SNX13: variants seen among roughly 807,000 people sequenced by gnomAD.
SNX13 encodes sorting nexin 13.
SNX13 carries 45 observed loss-of-function variants against 133.6 expected under a neutral mutation model. The ratio of observed to expected loss-of-function variants is 0.34; its 90% confidence interval spans 0.27 to 0.43. The LOEUF (loss-of-function observed/expected upper bound fraction) is 0.43. Among genes scored for constraint, SNX13 ranks in the 20% least tolerant of loss-of-function variants. The pLI, the probability that SNX13 is intolerant of heterozygous loss-of-function variation, is 1.00. For synonymous variants in SNX13, 414 were observed against 373.9 expected (o/e 1.11, Z -1.24); for missense variants, 1,032 against 1,145.1 (o/e 0.90, Z 1.43).
At chr7:17,933,566 C>T (rs1356677434) in intron 1 of SNX13, among the ~76,000 whole-genome samples, 2 of 151,476 alleles carry the variant, frequency 1.3e-5, no homozygotes, top group African/African-American at 4.8e-5. Flanking sequence ...AAAGAGAGAA[C>T]TTGCTTTAAG....
intron 8 of SNX13, among the ~76,000 whole-genome samples, chr7:17,871,435 C>T (rs568316778): frequency 6.6e-6 from 1 of 152,160 alleles, no homozygotes; most frequent in African/African-American, 2.4e-5. Context: ...CAAACTTAGG[C>T]TCCTCTGAAT....
chr7:17,886,981 A>G (rs1796075877), intron 5 of SNX13, among the ~76,000 whole-genome samples: 1 of 152,088 alleles, frequency 6.6e-6, no homozygotes, highest in African/African-American at 2.4e-5. Context: ...CAAAAAAAAA[A>G]AAAAAAGAGC....
chr7:17,892,660 C>T (rs1796749238), intron 3 of SNX13, among the ~76,000 whole-genome samples: 1 of 152,016 alleles, frequency 6.6e-6, no homozygotes, highest in Non-Finnish European at 1.5e-5. Flanking sequence ...ACATTATTTA[C>T]TTCTACATCT....
At chr7:17,903,245 G>T (rs1482362971) in intron 1 of SNX13, among the ~76,000 whole-genome samples, 1 of 152,210 alleles carries the variant, frequency 6.6e-6, no homozygotes, top group Middle Eastern at 3.2e-3. Context: ...TTATGATCCA[G>T]TGTGTCTGGG....
chr7:17,910,099 AACAT>A lies in SNX13; in HGVS notation c.13-12657_13-12654del, dbSNP rs1275778232. The stretch of plus-strand genomic sequence containing the variant: ...CCTGTACTTAAGTCAATTAAAACCT[AACAT>A]AACTCCTTCAAAGTACCCAAGACTA... On this transcript the variant is annotated intron_variant, in intron 1 of 25. Transcript: ENST00000428135. Among the ~76,000 whole-genome samples, 3 of 152,184 alleles carry A rather than the reference AACAT, an allele frequency of 2.0e-5. No homozygotes were observed. In the East Asian group the frequency reaches 5.8e-4, roughly 29 times the overall value.
At chr7:17,920,971 C>T (rs767164285) in intron 1 of SNX13, among the ~76,000 whole-genome samples, 2 of 152,162 alleles carry the variant, frequency 1.3e-5, no homozygotes, top group African/African-American at 4.8e-5. Flanking sequence ...AGCCAAGCAG[C>T]GCACTGGAGT....
At chr7:17,806,246 G>A (rs1238786148) in intron 20 of SNX13, among the ~76,000 whole-genome samples, 1 of 152,090 alleles carries the variant, frequency 6.6e-6, no homozygotes, top group Non-Finnish European at 1.5e-5. Flanking sequence ...AAGATACTGT[G>A]TACAAAGGAG....
intron 1 of SNX13, among the ~76,000 whole-genome samples, chr7:17,924,023 T>C (rs1251755779): frequency 1.3e-5 from 2 of 152,248 alleles, no homozygotes; most frequent in African/African-American, 4.8e-5. Flanking sequence ...TTTTATCTAT[T>C]TATCTTGTAT....
intron 24 of SNX13, among the ~76,000 whole-genome samples, chr7:17,797,949 T>C (rs1784232916): frequency 1.3e-5 from 2 of 151,862 alleles, no homozygotes; most frequent in Middle Eastern, 6.8e-3. Context: ...AATACCTACC[T>C]CGAAAAATGG....
At chr7:17,893,929 G>C (rs979379579) in intron 2 of SNX13, among the ~76,000 whole-genome samples, 2 of 149,172 alleles carry the variant, frequency 1.3e-5, no homozygotes, top group East Asian at 2.0e-4. Flanking sequence ...CTGAGATCAC[G>C]CCACTGCACT....
intron 2 of SNX13, among the ~76,000 whole-genome samples, chr7:17,896,054 G>C (rs1245987326): frequency 6.6e-6 from 1 of 152,166 alleles, no homozygotes; most frequent in South Asian, 2.1e-4. Context: ...CTCTGAGAGG[G>C]AGAGGTGCAA....
rs536451745 is a variant in SNX13 at position 17,793,435 on chromosome 7, G to C, written c.*610C>G. 1 of 151,792 alleles carries C rather than the reference G, an allele frequency of 6.6e-6. No homozygotes were observed. Among genetic ancestry groups the C allele is most frequent in the East Asian group, 1.9e-4 (1 of 5,178 alleles). 9.4% of individuals were successfully genotyped at this position (151,792 alleles called of 1,614,324 possible). On this transcript the variant is annotated 3_prime_UTR_variant, in exon 26 of 26. Coordinates refer to ENST00000428135, the MANE Select transcript of SNX13 (RefSeq NM_015132.5). ...TCCAATCAAATTCTGTGTTTGATTG[G>C]TTTTATTTTATACTCAGCTTTATTT...
chr7:17,927,263 A>G (rs1800867651), intron 1 of SNX13, among the ~76,000 whole-genome samples: 1 of 151,030 alleles, frequency 6.6e-6, no homozygotes, highest in South Asian at 2.1e-4. Context: ...ATATATTAGA[A>G]ACAGTGTCTC....
At chr7:17,896,489 T>C (rs918431519) in intron 2 of SNX13, among the ~76,000 whole-genome samples, 2 of 152,290 alleles carry the variant, frequency 1.3e-5, no homozygotes, top group Non-Finnish European at 2.9e-5. Context: ...CTACTGTTTA[T>C]ATATGCTATT....
intron 9 of SNX13, among the ~76,000 whole-genome samples, chr7:17,856,401 CAAG>C (rs1361596270): frequency 6.6e-6 from 1 of 151,968 alleles, no homozygotes. Flanking sequence ...AAGAAGGAAC[CAAG>C]AAGTTACAAA....
At chr7:17,840,928 A>T (rs1470656930) in intron 12 of SNX13, among the ~76,000 whole-genome samples, 1 of 152,050 alleles carries the variant, frequency 6.6e-6, no homozygotes, top group Non-Finnish European at 1.5e-5. Context: ...AGGCTTGGGA[A>T]GTAAGCTTTG....
chr7:17,867,497 C>T (rs925979459), intron 9 of SNX13, among the ~76,000 whole-genome samples: 2 of 151,936 alleles, frequency 1.3e-5, no homozygotes, highest in African/African-American at 4.8e-5. Flanking sequence ...GTCCCAGCTA[C>T]TTGGGAGGCT....
intron 1 of SNX13, among the ~76,000 whole-genome samples, chr7:17,907,597 T>C (rs1798534149): frequency 6.6e-6 from 1 of 152,128 alleles, no homozygotes; most frequent in South Asian, 2.1e-4. Flanking sequence ...AATAACTGGA[T>C]AAAACTGAGT....
rs1255605914 is a variant in SNX13, at chr7:17,901,243, A to G, written c.13-3797T>C. Among the ~76,000 whole-genome samples, 3 of 151,920 alleles carry G rather than the reference A, an allele frequency of 2.0e-5. No individual in the cohort carries two copies. The East Asian group carries it at 5.8e-4, about 29-fold the overall frequency. On this transcript the variant is annotated intron_variant, in intron 1 of 25. Transcript: ENST00000428135. ...CCCTCTCCTCTTCTCAAGCAGAGAG[A>G]AGGAGTCTTTCCCGGACCTGCAAGC... is the stretch of plus-strand genomic sequence containing the variant.
Sources: gnomAD v4.1 joint callset for allele counts (sites outside exome capture counted in the v4.1 genomes callset) on GRCh38, gnomAD v4.1.1 for gene constraint, MANE v1.5 for transcripts, NCBI Gene and HGNC (gene_info 2026-07-23, HGNC 2026-07-21) for gene names.